The following WWTR1 variants were observed in gnomAD, a reference collection of about 807,000 sequenced individuals.
WWTR1 encodes the protein WW domain containing transcription regulator 1, also known as WW domain-containing transcription regulator protein 1.
Under a neutral mutation model 40.1 loss-of-function variants are expected in WWTR1, and 13 were observed. That is an observed-to-expected ratio of 0.32 (90% CI 0.21 to 0.52). The LOEUF (loss-of-function observed/expected upper bound fraction) is 0.52. Ranked by LOEUF, WWTR1 falls within the 20% of genes least tolerant of loss-of-function variation. The pLI is 0.97. For missense variants in WWTR1, 436 were observed against 523.1 expected (o/e 0.83, Z 1.63); for synonymous variants, 230 against 210.1 (o/e 1.09, Z -0.82).
At chr3:149,694,221 G>A (rs538184723) in intron 1 of WWTR1, among the ~76,000 whole-genome samples, 3 of 152,210 alleles carry the variant, frequency 2.0e-5, no homozygotes, top group East Asian at 1.9e-4. Flanking sequence ...GGGAAACCCC[G>A]TCTCTACTAA....
At chr3:149,554,650 G>GA (rs142486325) in intron 3 of WWTR1, among the ~76,000 whole-genome samples, 85 of 146,264 alleles carry the variant, frequency 5.8e-4, no homozygotes, top group South Asian at 2.2e-3. Flanking sequence ...GAAGTCTAGG[G>GA]AAAAAAAAAA....
At chr3:149,525,584 T>C (rs1271212196) in intron 6 of WWTR1, 1 of 152,418 alleles carries the variant, frequency 6.6e-6, no homozygotes, top group Non-Finnish European at 1.5e-5. Context: ...TTTTATGTTG[T>C]CGTTGAGATT....
At position 149,694,986 on chromosome 3, in the gene WWTR1, G is replaced by T. The variant is rs1286590037; in HGVS notation, c.-108+8138C>A. Among the ~76,000 whole-genome samples, 7 of 152,234 alleles carry T rather than the reference G, an allele frequency of 4.6e-5. No individual in the cohort carries two copies. The South Asian group carries it at 8.3e-4, about 18-fold the overall frequency. ...ATAGAGTACTGTTCAGCCATAAAAA[G>T]AATAAGATCCTGTCATTTGCAACAC... On this transcript the variant is annotated intron_variant, in intron 1 of 7. Transcript: ENST00000465804.
intron 2 of WWTR1, among the ~76,000 whole-genome samples, chr3:149,575,065 G>T (rs1369309931): frequency 2.6e-5 from 4 of 151,938 alleles, no homozygotes; most frequent in Admixed American, 2.6e-4. Context: ...CTGCACTCCA[G>T]CCTAGGCAGC....
At chr3:149,529,079 G>A (rs1735457494) in intron 4 of WWTR1, among the ~76,000 whole-genome samples, 1 of 152,190 alleles carries the variant, frequency 6.6e-6, no homozygotes, top group African/African-American at 2.4e-5. Flanking sequence ...CAAATTTGCT[G>A]ATGTTTCCAG....
At chr3:149,632,349 C>A (rs1358293901) in intron 2 of WWTR1, among the ~76,000 whole-genome samples, 1 of 152,136 alleles carries the variant, frequency 6.6e-6, no homozygotes, top group Non-Finnish European at 1.5e-5. Context: ...AGGTAGTTCC[C>A]ACTTTACCAA....
chr3:149,620,770 T>C (rs955446001), intron 2 of WWTR1, among the ~76,000 whole-genome samples: 4 of 152,200 alleles, frequency 2.6e-5, no homozygotes, highest in Non-Finnish European at 2.9e-5. Flanking sequence ...AGCATTTCCA[T>C]TGCAAAAAGT....
At chr3:149,698,744 A>C (rs1336989934) in intron 1 of WWTR1, among the ~76,000 whole-genome samples, 1 of 152,248 alleles carries the variant, frequency 6.6e-6, no homozygotes, top group East Asian at 1.9e-4. Context: ...TGCAGAATTA[A>C]CACCACATGG....
intron 2 of WWTR1, among the ~76,000 whole-genome samples, chr3:149,591,587 T>A (rs2108031122): frequency 1.3e-5 from 2 of 152,084 alleles, no homozygotes; most frequent in Middle Eastern, 6.8e-3. Flanking sequence ...TTCCTAAATT[T>A]TCTCTAAACA....
At chr3:149,722,540 G>C (rs556097847) in intron 4 of WWTR1, among the ~76,000 whole-genome samples, 2 of 151,886 alleles carry the variant, frequency 1.3e-5, no homozygotes, top group African/African-American at 4.8e-5. Context: ...GAGTGTGTTG[G>C]TTAATTTCCA....
chr3:149,534,169 A>T (rs2107922003), intron 4 of WWTR1, among the ~76,000 whole-genome samples: 1 of 151,482 alleles, frequency 6.6e-6, no homozygotes, highest in East Asian at 1.9e-4. Context: ...GACTCTGTCT[A>T]AAAAAAAAGA....
At chr3:149,523,668 G>T (rs7618014) in intron 6 of WWTR1, among the ~76,000 whole-genome samples, 131,447 of 152,228 alleles carry the variant, frequency 0.86, 56,792 homozygotes, top group South Asian at 0.9. Flanking sequence ...AGCTGTTGCT[G>T]CCATGTATGT....
chr3:149,651,174 C>A (rs1210950948), intron 2 of WWTR1, among the ~76,000 whole-genome samples: 1 of 152,010 alleles, frequency 6.6e-6, no homozygotes, highest in Non-Finnish European at 1.5e-5. Flanking sequence ...CTACATTATA[C>A]TGTCATTCAA....
intron 4 of WWTR1, among the ~76,000 whole-genome samples, chr3:149,721,874 G>T (rs1482656483): frequency 6.6e-6 from 1 of 152,032 alleles, no homozygotes; most frequent in African/African-American, 2.4e-5. Flanking sequence ...TTTATTTCAT[G>T]GGATATTTTA....
intron 1 of WWTR1, among the ~76,000 whole-genome samples, chr3:149,693,048 G>C (rs550461234): frequency 1.3e-5 from 2 of 152,258 alleles, no homozygotes; most frequent in South Asian, 2.1e-4. Context: ...AATTATCCTT[G>C]TTTGCAGATG....
intron 6 of WWTR1, among the ~76,000 whole-genome samples, chr3:149,522,242 G>A (rs778026659): frequency 7.2e-5 from 11 of 152,144 alleles, no homozygotes; most frequent in Non-Finnish European, 1.5e-4. Context: ...CGTGTGTAGG[G>A]AAGTTTCACT....
chr3:149,612,076 A>G (rs533348413), intron 2 of WWTR1, among the ~76,000 whole-genome samples: 4 of 152,264 alleles, frequency 2.6e-5, no homozygotes, highest in African/African-American at 9.6e-5. Context: ...TCTCCAACCC[A>G]TCTCATGACC....
At chr3:149,606,611 A>G (rs1576593006) in intron 2 of WWTR1, among the ~76,000 whole-genome samples, 1 of 152,322 alleles carries the variant, frequency 6.6e-6, no homozygotes, top group Middle Eastern at 3.4e-3. Flanking sequence ...AATACCACTT[A>G]TAGGCTCATT....
chr3:149,551,446 C>G (rs1281426145), intron 3 of WWTR1, among the ~76,000 whole-genome samples: 1 of 145,996 alleles, frequency 6.8e-6, no homozygotes, highest in Admixed American at 6.8e-5. Flanking sequence ...CTCCTTGGAA[C>G]AAGTGTTTAA....
Sources: allele counts gnomAD v4.1 joint callset (sites outside exome capture counted in the v4.1 genomes callset), GRCh38; gene constraint gnomAD v4.1.1; transcripts MANE v1.5; gene names NCBI Gene and HGNC (gene_info 2026-07-23, HGNC 2026-07-21).